NTM: variants seen among roughly 807,000 people sequenced by gnomAD.
The protein encoded by NTM is IgLON family member 2.
In NTM, 13 loss-of-function variants were observed where a neutral mutation model predicts 42.1. The ratio of observed to expected loss-of-function variants is 0.31; its 90% CI spans 0.20 to 0.49. The LOEUF (loss-of-function observed/expected upper bound fraction) is 0.49. NTM is among the 20% of genes least tolerant of loss of function. The pLI is 0.99. For synonymous variants in NTM, 187 were observed against 179.2 expected (o/e 1.04, Z -0.35); for missense variants, 373 against 452.8 (o/e 0.82, Z 1.60).
chr11:131,752,776 A>T (rs1399557272), intron 1 of NTM, among the ~76,000 whole-genome samples: 1 of 128,254 alleles, frequency 7.8e-6, no homozygotes, highest in African/African-American at 2.9e-5. Flanking sequence ...TAGCCCTAAA[A>T]CCACAAAAAC....
chr11:132,101,825 C>T (rs969634990), intron 2 of NTM, among the ~76,000 whole-genome samples: 1 of 152,184 alleles, frequency 6.6e-6, no homozygotes, highest in Non-Finnish European at 1.5e-5. Flanking sequence ...TAACTCCAAC[C>T]TTGCATCTTC....
At chr11:132,006,591 C>A (rs2070844483) in intron 2 of NTM, among the ~76,000 whole-genome samples, 1 of 152,240 alleles carries the variant, frequency 6.6e-6, no homozygotes, top group Non-Finnish European at 1.5e-5. Flanking sequence ...CTGGAAGAGG[C>A]AGTCCACAAA....
intron 1 of NTM, among the ~76,000 whole-genome samples, chr11:131,823,150 G>A (rs2093262070): frequency 1.3e-5 from 2 of 152,166 alleles, no homozygotes; most frequent in African/African-American, 2.4e-5. Context: ...ACTTGGGAGG[G>A]GAGATACACT....
chr11:131,523,804 AAG>A (rs1491079603), intron 1 of NTM, among the ~76,000 whole-genome samples: 7 of 148,806 alleles, frequency 4.7e-5, no homozygotes, highest in African/African-American at 9.9e-5. Context: ...AAAAAAAAAA[AAG>A]AATAAGAAGA....
intron 1 of NTM, chr11:131,662,360 T>C (rs775348433): frequency 6.6e-6 from 1 of 152,208 alleles, no homozygotes; most frequent in Non-Finnish European, 1.5e-5. Flanking sequence ...ACACTGTGAC[T>C]CATGTCACAT....
chr11:131,660,333 A>T, intron 1 of NTM: 1 of 368,774 alleles, frequency 2.7e-6, no homozygotes, highest in South Asian at 2.0e-5. Flanking sequence ...GAAGAGGGGG[A>T]TGGAGACCTT....
chr11:131,972,300 T>C (rs1245391172), intron 2 of NTM, among the ~76,000 whole-genome samples: 4 of 152,142 alleles, frequency 2.6e-5, no homozygotes, highest in Non-Finnish European at 4.4e-5. Context: ...AGTTAAATTG[T>C]GTAAATAACT....
Position 132,314,497 on chromosome 11 carries a change from T to TATCA in NTM, c.783-53_783-52insCAAT, listed in dbSNP as rs2095370846. The TATCA allele has an allele frequency of 4.5e-6, 7 of 1,555,808 alleles. No homozygotes were observed. The South Asian group carries it at 7.6e-5, about 17-fold the overall frequency. ...GGAATCCCTGGGCCTATCTTCTTCC[T>TATCA]ATGAGGACACATAACCATCTTGTTT... On this transcript the variant is annotated intron_variant, in intron 6 of 8. Coordinates refer to ENST00000683400, the MANE Select transcript of NTM (RefSeq NM_001352005.2).
At chr11:132,309,766 TTTA>T (rs1274774901) in intron 5 of NTM, among the ~76,000 whole-genome samples, 1 of 152,088 alleles carries the variant, frequency 6.6e-6, no homozygotes, top group Non-Finnish European at 1.5e-5. Flanking sequence ...CCTTCTTCAT[TTTA>T]AAATGCTGTA....
intron 1 of NTM, among the ~76,000 whole-genome samples, chr11:131,884,801 C>G (rs1167031342): frequency 6.6e-6 from 1 of 152,182 alleles, no homozygotes; most frequent in East Asian, 1.9e-4. Flanking sequence ...CAAAACACTT[C>G]TGTACGGGGA....
intron 4 of NTM, among the ~76,000 whole-genome samples, chr11:132,226,998 A>T (rs2086444684): frequency 6.6e-6 from 1 of 152,184 alleles, no homozygotes; most frequent in Non-Finnish European, 1.5e-5. Flanking sequence ...GAAAATGTTG[A>T]GTAGATAGTT....
chr11:131,680,387 C>CTCTG (rs2072247864), intron 1 of NTM, among the ~76,000 whole-genome samples: 4 of 69,450 alleles, frequency 5.8e-5, no homozygotes, highest in East Asian at 4.9e-4. Context: ...CTGTGAGTGC[C>CTCTG]TGTGTGTGTG....
intron 1 of NTM, among the ~76,000 whole-genome samples, chr11:131,898,402 T>C (rs775994000): frequency 1.3e-5 from 2 of 152,246 alleles, no homozygotes; most frequent in Non-Finnish European, 2.9e-5. Flanking sequence ...CCATTTATCA[T>C]TGAATGTGTT....
chr11:132,063,256 A>T (rs1200083212), intron 2 of NTM, among the ~76,000 whole-genome samples: 2 of 152,186 alleles, frequency 1.3e-5, no homozygotes, highest in Non-Finnish European at 1.5e-5. Flanking sequence ...ATACCCTTGC[A>T]TTGGAGATTA....
intron 1 of NTM, among the ~76,000 whole-genome samples, chr11:131,544,902 C>T (rs539086224): frequency 1.6e-4 from 24 of 152,254 alleles, no homozygotes; most frequent in Middle Eastern, 3.4e-3. Context: ...GGACAGGCCA[C>T]GGTGGTTTCA....
chr11:131,947,660 A>C (rs1176238403), intron 2 of NTM, among the ~76,000 whole-genome samples: 1 of 152,136 alleles, frequency 6.6e-6, no homozygotes, highest in South Asian at 2.1e-4. Context: ...CAATTTATTT[A>C]GTGCCTTAGC....
chr11:131,532,138 G>A lies in NTM; in HGVS notation c.82+161250G>A, dbSNP rs185234003. On this transcript the variant is annotated intron_variant, in intron 1 of 8. Coordinates refer to ENST00000683400, the MANE Select transcript of NTM (RefSeq NM_001352005.2). The stretch of plus-strand genomic sequence containing the variant: ...CGTAAAATTTACTGGCATTAACTAC[G>A]TTCACAGTGTTGCACAACTATTACA... 3.9e-4 allele frequency among the ~76,000 whole-genome samples: 59 copies of A among 152,178 alleles called. 1 individual carries two copies. Among genetic ancestry groups the A allele is most frequent in the Admixed American group, 1.9e-3 (29 of 15,278 alleles).
At chr11:132,290,163 A>G (rs966674959) in intron 4 of NTM, among the ~76,000 whole-genome samples, 12 of 152,228 alleles carry the variant, frequency 7.9e-5, no homozygotes, top group African/African-American at 2.9e-4. Flanking sequence ...AATGGGAGAG[A>G]AAGGATAAGA....
chr11:132,296,595 A>G (rs1565413410), intron 4 of NTM, among the ~76,000 whole-genome samples: 1 of 152,158 alleles, frequency 6.6e-6, no homozygotes, highest in South Asian at 2.1e-4. Context: ...ACGTCGCCAT[A>G]CTGAGGATTC....
Sources: gnomAD v4.1 joint callset for allele counts (sites outside exome capture counted in the v4.1 genomes callset) on GRCh38, gnomAD v4.1.1 for gene constraint, MANE v1.5 for transcripts, NCBI Gene and HGNC (gene_info 2026-07-23, HGNC 2026-07-21) for gene names.